The following NCAM2 variants were observed in gnomAD, a reference collection of about 807,000 sequenced individuals.
NCAM2 encodes the protein neural cell adhesion molecule 2.
A neutral mutation model predicts 98.1 loss-of-function variants in NCAM2; 30 were observed. The observed-to-expected ratio is 0.31, with a 90% CI of 0.23 to 0.41. The LOEUF is 0.41. Among genes scored for constraint, NCAM2 ranks in the 10% least tolerant of loss-of-function variants. NCAM2 has a pLI of 1.00. For synonymous variants in NCAM2, 368 were observed against 342.4 expected (o/e 1.07, Z -0.83); for missense variants, 867 against 1,005.8 (o/e 0.86, Z 1.87).
At position 21,489,515 on chromosome 21, in the gene NCAM2, C is replaced by G. The variant is rs569477662; in HGVS notation, c.2077+12044C>G. 3.3e-5 allele frequency among the ~76,000 whole-genome samples: 5 copies of G among 151,694 alleles called. No individual in the cohort carries two copies. In the East Asian group the frequency reaches 9.7e-4, roughly 29 times the overall value. ...GCCATGAATGAATGGAATATATTTC[C>G]TCTATTATGTTTCTGTTCATTGTTT... On this transcript the variant is annotated intron_variant, in intron 15 of 17. Transcript: ENST00000400546.
At chr21:21,398,902 T>G (rs543637206) in intron 9 of NCAM2, among the ~76,000 whole-genome samples, 2 of 152,302 alleles carry the variant, frequency 1.3e-5, no homozygotes, top group African/African-American at 4.8e-5. Context: ...AGATGAGAGT[T>G]GGCAGGAGGA....
At chr21:21,455,238 A>G (rs1437381034) in intron 12 of NCAM2, among the ~76,000 whole-genome samples, 6 of 144,124 alleles carry the variant, frequency 4.2e-5, no homozygotes, top group African/African-American at 7.7e-5. Flanking sequence ...AAAAAGTTTA[A>G]TTTGTCCTGT....
intron 8 of NCAM2, among the ~76,000 whole-genome samples, chr21:21,346,002 A>G (rs2075176712): frequency 1.3e-5 from 2 of 152,210 alleles, no homozygotes; most frequent in Middle Eastern, 3.4e-3. Context: ...CCACAGAACA[A>G]CCAGAAAACA....
At chr21:21,444,863 G>T (rs534856495) in intron 12 of NCAM2, among the ~76,000 whole-genome samples, 1 of 151,968 alleles carries the variant, frequency 6.6e-6, no homozygotes, top group African/African-American at 2.4e-5. Context: ...GTTATTTCTT[G>T]TCTTCTGCTA....
intron 1 of NCAM2, among the ~76,000 whole-genome samples, chr21:21,276,429 A>C (rs77694177): frequency 0.031 from 4,691 of 152,116 alleles, 245 homozygotes; most frequent in African/African-American, 0.11. Flanking sequence ...TATATTCATC[A>C]TGCATTTACT....
At chr21:21,282,414 A>G (rs1334057022) in intron 2 of NCAM2, among the ~76,000 whole-genome samples, 1 of 151,900 alleles carries the variant, frequency 6.6e-6, no homozygotes, top group Non-Finnish European at 1.5e-5. Flanking sequence ...AAACTAAGTA[A>G]GCATTTATTT....
chr21:21,236,100 G>C (rs897815077), intron 1 of NCAM2, among the ~76,000 whole-genome samples: 3 of 151,830 alleles, frequency 2.0e-5, no homozygotes, highest in Non-Finnish European at 2.9e-5. Flanking sequence ...GCCTTGTTTA[G>C]TGCTTGTCAT....
intron 1 of NCAM2, among the ~76,000 whole-genome samples, chr21:21,224,078 C>CA (rs2070282482): frequency 6.6e-6 from 1 of 152,156 alleles, no homozygotes; most frequent in African/African-American, 2.4e-5. Context: ...AAGCCACTGA[C>CA]ACTCGGTTTT....
At chr21:21,414,678 C>T (rs2076953811) in intron 10 of NCAM2, among the ~76,000 whole-genome samples, 1 of 151,940 alleles carries the variant, frequency 6.6e-6, no homozygotes, top group Non-Finnish European at 1.5e-5. Context: ...ACGGTGTTAA[C>T]CAGGATGGTC....
At chr21:21,511,180 T>G (rs1346737444) in intron 16 of NCAM2, among the ~76,000 whole-genome samples, 1 of 152,028 alleles carries the variant, frequency 6.6e-6, no homozygotes, top group African/African-American at 2.4e-5. Flanking sequence ...TTTTGGCTGT[T>G]GTCAATCTAT....
At chr21:21,458,777 T>C (rs1485580918) in intron 12 of NCAM2, among the ~76,000 whole-genome samples, 1 of 152,090 alleles carries the variant, frequency 6.6e-6, no homozygotes, top group Non-Finnish European at 1.5e-5. Flanking sequence ...CTTCTTGGCG[T>C]TGGTCTGCAC....
At chr21:21,102,151 T>G (rs1601372745) in intron 1 of NCAM2, among the ~76,000 whole-genome samples, 1 of 152,180 alleles carries the variant, frequency 6.6e-6, no homozygotes, top group South Asian at 2.1e-4. Flanking sequence ...GAGTAAAATA[T>G]GCACACTTGT....
intron 8 of NCAM2, among the ~76,000 whole-genome samples, chr21:21,344,006 G>A (rs1364234767): frequency 1.3e-5 from 2 of 152,150 alleles, no homozygotes; most frequent in Admixed American, 6.6e-5. Context: ...TCTGATTGAC[G>A]AGAGGAAAGG....
chr21:21,243,299 C>G (rs1344359545), intron 1 of NCAM2, among the ~76,000 whole-genome samples: 2 of 152,068 alleles, frequency 1.3e-5, no homozygotes, highest in Non-Finnish European at 2.9e-5. Context: ...TGTTCTCAGG[C>G]CATCTGAGAA....
chr21:21,153,994 G>C (rs765627320), intron 1 of NCAM2, among the ~76,000 whole-genome samples: 12 of 151,916 alleles, frequency 7.9e-5, no homozygotes, highest in Middle Eastern at 3.4e-3. Context: ...GTTTATAAAT[G>C]AGATAGAGAA....
chr21:21,229,386 G>A (rs1178018520), intron 1 of NCAM2, among the ~76,000 whole-genome samples: 1 of 151,488 alleles, frequency 6.6e-6, no homozygotes, highest in East Asian at 1.9e-4. Context: ...AAATATGATA[G>A]TGTCTTTAAT....
chr21:21,449,522 G>A (rs1336152611), intron 12 of NCAM2, among the ~76,000 whole-genome samples: 1 of 151,968 alleles, frequency 6.6e-6, no homozygotes, highest in Non-Finnish European at 1.5e-5. Context: ...TGCACATTTT[G>A]AGAGTGAATT....
At chr21:21,531,562 C>A (rs62216125) in intron 16 of NCAM2, among the ~76,000 whole-genome samples, 21,762 of 151,794 alleles carry the variant, frequency 0.14, 1,796 homozygotes, top group Non-Finnish European at 0.19. Context: ...AAACATTATG[C>A]TATGCTTGTT....
At chr21:21,155,749 ATTTAG>A (rs2067591216) in intron 1 of NCAM2, among the ~76,000 whole-genome samples, 1 of 151,982 alleles carries the variant, frequency 6.6e-6, no homozygotes, top group African/African-American at 2.4e-5. Flanking sequence ...TTGCAGCACA[ATTTAG>A]TTTGACTGTA....
Sources: gnomAD v4.1 joint callset for allele counts (sites outside exome capture counted in the v4.1 genomes callset) on GRCh38, gnomAD v4.1.1 for gene constraint, MANE v1.5 for transcripts, NCBI Gene and HGNC (gene_info 2026-07-23, HGNC 2026-07-21) for gene names.